The following MEFV variants were observed in gnomAD, a reference collection of about 807,000 sequenced individuals.
The protein encoded by MEFV is pyrin.
A neutral mutation model predicts 62.5 loss-of-function variants in MEFV; 60 were observed. The ratio of observed to expected loss-of-function variants is 0.96; its 90% CI spans 0.78 to 1.19. The LOEUF (loss-of-function observed/expected upper bound fraction) is 1.19. Among genes scored for constraint, MEFV ranks in the 50% most tolerant of loss-of-function variants. The pLI is 0.00. For synonymous variants in MEFV, 500 were observed against 415.2 expected, an observed-to-expected ratio of 1.20 and a Z score of -2.48; for missense variants, 1,169 against 1,004.5, an observed-to-expected ratio of 1.16 and a Z score of -2.21.
At chr16:3,249,401 G>A in intron 3 of MEFV, 30 bp downstream of exon 3, 5 of 1,595,954 alleles carry the variant, frequency 3.1e-6, no homozygotes, top group Non-Finnish European at 3.4e-6. Flanking sequence ...GTGCCTGGCA[G>A]AGAAGAGCCC....
chr16:3,256,628 T>C lies in MEFV; in HGVS notation c.-41A>G, dbSNP rs1278912637. 14 of 1,613,602 alleles carry C rather than the reference T, an allele frequency of 8.7e-6. No individual in the cohort carries two copies. Among genetic ancestry groups the C allele is most frequent in the Non-Finnish European group, 1.2e-5 (14 of 1,179,986 alleles). ...AGGCTCGAGCCAGCTGTCTGGCTTCTGGTAGGAAAAGAAGCCTCTGTCCTT... is the reference window on the plus strand; with the variant it reads ...AGGCTCGAGCCAGCTGTCTGGCTTCCGGTAGGAAAAGAAGCCTCTGTCCTT... On this transcript the variant is annotated 5_prime_UTR_variant, in exon 1 of 10. Transcript: ENST00000219596.
rs1346674969 is a variant in MEFV at position 3,254,236 on chromosome 16, G to A, written c.832C>T (p.Arg278Trp). Residue 278 changes from arginine to tryptophan, a missense_variant, in exon 2 of 10, where the codon CGG (arginine) becomes TGG (tryptophan). Coordinates refer to ENST00000219596, the MANE Select transcript of MEFV (RefSeq NM_000243.3). Reference protein sequence around the residue: ...AANLDSATEPRARPTPDGGAS... With the variant: ...AANLDSATEPWARPTPDGGAS... ...CCTCCATCCGGAGTGGGCCTTGCCC[G>A]GGGTTCTGTTGCCGAGTCCAGATTC... 6.2e-6 allele frequency: 10 copies of A among 1,614,236 alleles called. No individual in the cohort carries two copies. The Middle Eastern group carries it at 4.9e-4, about 80-fold the overall frequency.
chr16:3,245,656 G>A (rs925730371), intron 6 of MEFV, among the ~76,000 whole-genome samples: 8 of 151,884 alleles, frequency 5.3e-5, no homozygotes, highest in African/African-American at 1.7e-4. Flanking sequence ...GAGAGAGAGA[G>A]AGTGAAACAG....
At chr16:3,251,622 C>CTT (rs760776317) in intron 2 of MEFV, among the ~76,000 whole-genome samples, 1 of 152,156 alleles carries the variant, frequency 6.6e-6, no homozygotes, top group Non-Finnish European at 1.5e-5. Context: ...ATAGTTAGGA[C>CTT]TTTAGCCAAT....
chr16:3,250,450 A>T (rs1959014905), intron 2 of MEFV, among the ~76,000 whole-genome samples: 1 of 152,000 alleles, frequency 6.6e-6, no homozygotes, highest in Non-Finnish European at 1.5e-5. Context: ...CTCTACAAAA[A>T]ATTAAAAAAT....
At position 3,250,388 on chromosome 16, in the gene MEFV, T is replaced by G. The variant is rs149145027; in HGVS notation, c.911-608A>C. 3.9e-5 allele frequency among the ~76,000 whole-genome samples: 6 copies of G among 152,096 alleles called. No individual in the cohort carries two copies. In the East Asian group the frequency reaches 1.2e-3, roughly 30 times the overall value. ...CTTTGGGAGGCCAAGGTGGGAGGAC[T>G]GCTTAAGCTCAGGAGTTTGAGACCA... On this transcript the variant is annotated intron_variant, in intron 2 of 9. Transcript: ENST00000219596.
In MEFV at chr16:3,248,956, CT is replaced by C; in HGVS notation, c.1308del (p.Glu438ArgfsTer12). Reference protein sequence around the residue: ...QLEHLKKLRKSGEEQRSYGEE... With the variant: ...QLEHLKKLRKXGEEQRSYGEE... ...TCCCCATAGGATCGCTGCTCCTCCC[CT>C]GATTTTCTCAGCTTCTTCAGATGCT... On this transcript the variant is annotated frameshift_variant, in exon 4 of 10. Coordinates refer to ENST00000219596, the MANE Select transcript of MEFV (RefSeq NM_000243.3). LOFTEE classifies it high-confidence loss of function. 6.2e-7 allele frequency: 1 copy of C among 1,614,230 alleles called. No homozygotes were observed. The highest frequency in any genetic ancestry group is 8.5e-7 in the Non-Finnish European group (1 of 1,180,038).
chr16:3,243,588 C>G lies in MEFV; in HGVS notation c.1899G>C (p.Pro633=). Reference sequence around the variant, plus strand: ...CAATGATACAGCTGTCAAATCTTTGCGGGCCATCAGGCAGCCTCTCCCACT... The same window carrying G: ...CAATGATACAGCTGTCAAATCTTTGGGGGCCATCAGGCAGCCTCTCCCACT... The part of the protein sequence containing the change: ...GNKWERLPDG[P]QRFDSCIIVL... Residue 633 remains proline, a synonymous_variant, in exon 10 of 10, where the codon CCG becomes CCC. Transcript: ENST00000219596. The G allele has an allele frequency of 1.2e-6, 2 of 1,603,196 alleles. No individual in the cohort carries two copies. Among genetic ancestry groups the G allele is most frequent in the South Asian group, 1.1e-5 (1 of 89,968 alleles).
Position 3,254,731 on chromosome 16 carries a change from T to C in MEFV, c.337A>G (p.Asn113Asp). Residue 113 changes from asparagine (N) to aspartate (D), a missense_variant, in exon 2 of 10, where the codon AAC becomes GAC. Asn to Asp is a conservative substitution (Grantham distance 23). Transcript: ENST00000219596. ...DSAASSSLGE[N>D]KPRSLKTPDH... The stretch of plus-strand genomic sequence containing the variant: ...GGAGTCTTCAGGCTCCTGGGCTTGT[T>C]CTCCCCCAGGGAGCTGGACGCTGCG... The C allele has an allele frequency of 6.2e-7, 1 of 1,612,874 alleles. No individual in the cohort carries two copies. The highest frequency in any genetic ancestry group is 8.5e-7 in the Non-Finnish European group (1 of 1,180,016).
At chr16:3,243,926 T>C (rs1489578109) in intron 8 of MEFV, 34 bp from the exon 9 acceptor site, 2 of 1,612,972 alleles carry the variant, frequency 1.2e-6, no homozygotes, top group South Asian at 1.1e-5. Flanking sequence ...AAAAAAATCC[T>C]GAGCATTAGC....
At chr16:3,245,836 A>G (rs188253761) in intron 6 of MEFV, among the ~76,000 whole-genome samples, 6 of 152,310 alleles carry the variant, frequency 3.9e-5, no homozygotes, top group Admixed American at 1.3e-4. Context: ...TAGGTACCCA[A>G]AATAACAAAG....
chr16:3,249,930 T>G, intron 2 of MEFV, 150 bp from the exon 3 acceptor site: 1 of 704,114 alleles, frequency 1.4e-6, no homozygotes, highest in Admixed American at 2.2e-5. Flanking sequence ...CTCCCCCGAC[T>G]TCCATCCAGT....
rs375560172 is a variant in MEFV at position 3,243,849 on chromosome 16, T to C, written c.1792+11A>G. On this transcript the variant is annotated intron_variant, in intron 9 of 9. Transcript: ENST00000219596. ...CAGGCCAGGGCCACTTGCCTTGATC[T>C]GGGCACTTACCAGCATGTGCCTGAG... 4 of 1,613,556 alleles carry C rather than the reference T, an allele frequency of 2.5e-6. No individual in the cohort carries two copies. The highest frequency in any genetic ancestry group is 3.4e-6 in the Non-Finnish European group (4 of 1,179,780).
intron 6 of MEFV, among the ~76,000 whole-genome samples, chr16:3,244,910 AAAGAT>A (rs1361458316): frequency 6.6e-6 from 1 of 152,150 alleles, no homozygotes; most frequent in African/African-American, 2.4e-5. Context: ...ATTGAAATAA[AAAGAT>A]AATAAATGAA....
At chr16:3,243,753 C>T in intron 9 of MEFV, 59 bp from the exon 10 acceptor site, 7 of 1,609,300 alleles carry the variant, frequency 4.3e-6, no homozygotes, top group Middle Eastern at 1.7e-4. Flanking sequence ...CTACAGGGTT[C>T]TCCCCACCTG....
At chr16:3,244,024 A>G (rs756912714) in intron 8 of MEFV, 132 bp from the exon 9 acceptor site, 12 of 1,554,592 alleles carry the variant, frequency 7.7e-6, no homozygotes, top group Non-Finnish European at 1.0e-5. Flanking sequence ...GTTGGGTATA[A>G]TCCCGTTCCT....
intron 6 of MEFV, 38 bp from the exon 7 acceptor site, chr16:3,244,626 C>T (rs764045006): frequency 2.5e-5 from 39 of 1,536,198 alleles, no homozygotes; most frequent in Non-Finnish European, 3.1e-5. Flanking sequence ...AAGGCCGGAG[C>T]GAGGGGGTGG....
intron 2 of MEFV, among the ~76,000 whole-genome samples, chr16:3,253,531 A>T (rs224221): frequency 0.47 from 70,811 of 151,862 alleles, 17,086 homozygotes; most frequent in Admixed American, 0.55. Flanking sequence ...AAAATGTTTA[A>T]GAGACAGGGT....
In MEFV at chr16:3,243,390, G is replaced by C; in HGVS notation, c.2097C>G (p.Tyr699Ter). The change falls in exon 10 of 10, where the codon TAC (tyrosine) becomes TAG (stop). Residue 699 changes from tyrosine to a stop codon, truncating the protein, a stop_gained. Transcript: ENST00000219596. LOFTEE classifies it low-confidence loss of function (END_TRUNC). Reference protein sequence around the residue: ...WVVIMMKENEYQASSVPPTRL... With the variant: ...WVVIMMKENE ...GGGTCGGGGGAACGCTGGACGCCTG[G>C]TACTCATTTTCCTTCATCATTATCA... 6.2e-7 allele frequency: 1 copy of C among 1,614,114 alleles called. No individual in the cohort carries two copies. Among genetic ancestry groups the C allele is most frequent in the Non-Finnish European group, 8.5e-7 (1 of 1,180,026 alleles).
Sources: gnomAD v4.1 joint callset for allele counts (sites outside exome capture counted in the v4.1 genomes callset) on GRCh38, gnomAD v4.1.1 for gene constraint, MANE v1.5 for transcripts, NCBI Gene and HGNC (gene_info 2026-07-23, HGNC 2026-07-21) for gene names.